The following OSBPL8 variants were observed in gnomAD, a reference collection of about 807,000 sequenced individuals.
OSBPL8 encodes oxysterol-binding protein-related protein 8.
Under a neutral mutation model 125.5 loss-of-function variants are expected in OSBPL8, and 59 were observed. The observed-to-expected ratio is 0.47, with a 90% CI of 0.38 to 0.58. The LOEUF is 0.58. Ranked by LOEUF, OSBPL8 falls within the 20% of genes least tolerant of loss-of-function variation. The pLI is 0.00. For missense variants in OSBPL8, 758 were observed against 1,047.8 expected, an observed-to-expected ratio of 0.72 and a Z score of 3.82; for synonymous variants, 330 against 338.9, an observed-to-expected ratio of 0.97 and a Z score of 0.29.
chr12:76,361,273 C>T (rs1185213230), intron 21 of OSBPL8, among the ~76,000 whole-genome samples: 1 of 152,194 alleles, frequency 6.6e-6, no homozygotes, highest in Non-Finnish European at 1.5e-5. Flanking sequence ...CAAAATGCCA[C>T]CAGCCTCTTT....
At chr12:76,421,646 A>C (rs145083658) in intron 4 of OSBPL8, among the ~76,000 whole-genome samples, 1 of 152,214 alleles carries the variant, frequency 6.6e-6, no homozygotes, top group African/African-American at 2.4e-5. Flanking sequence ...TATAAATACA[A>C]GTATCAGTTT....
At chr12:76,525,342 T>C (rs1237584387) in intron 1 of OSBPL8, among the ~76,000 whole-genome samples, 1 of 152,210 alleles carries the variant, frequency 6.6e-6, no homozygotes, top group Non-Finnish European at 1.5e-5. Flanking sequence ...GAAGGTCTTT[T>C]TAAAAAAGTG....
intron 14 of OSBPL8, among the ~76,000 whole-genome samples, chr12:76,384,792 A>T (rs1953233439): frequency 6.6e-6 from 1 of 152,192 alleles, no homozygotes; most frequent in Non-Finnish European, 1.5e-5. Flanking sequence ...CTGGACGTGA[A>T]TCTTCCAGCC....
At chr12:76,553,034 T>C (rs549739858) in intron 1 of OSBPL8, among the ~76,000 whole-genome samples, 2 of 152,296 alleles carry the variant, frequency 1.3e-5, no homozygotes, top group South Asian at 4.1e-4. Flanking sequence ...TAAGCAAAGC[T>C]AGTCTCCAGA....
At chr12:76,532,304 T>C (rs1452410175) in intron 1 of OSBPL8, among the ~76,000 whole-genome samples, 1 of 152,130 alleles carries the variant, frequency 6.6e-6, no homozygotes, top group Admixed American at 6.5e-5. Context: ...AAAAAATCAC[T>C]ATAAATTATC....
Position 76,352,596 on chromosome 12 carries a change from A to T in OSBPL8, c.*3293T>A, listed in dbSNP as rs1951862000. 6.6e-6 allele frequency: 1 copy of T among 152,502 alleles called. No individual in the cohort carries two copies. Among genetic ancestry groups the T allele is most frequent in the Non-Finnish European group, 1.5e-5 (1 of 67,944 alleles). 9.4% of individuals were successfully genotyped at this position (152,502 alleles called of 1,614,324 possible). ...TTTCCCCACTGGTTCAAATTGGAAA[A>T]TTTGATATAAATCTAATATTTTATT... On this transcript the variant is annotated 3_prime_UTR_variant, in exon 24 of 24. Transcript: ENST00000261183.
chr12:76,530,057 TTTCTTTTCTTTTTAGACACAGGG>T (rs913621952), intron 1 of OSBPL8, among the ~76,000 whole-genome samples: 1 of 152,036 alleles, frequency 6.6e-6, no homozygotes, highest in Non-Finnish European at 1.5e-5. Context: ...CCACATTTTT[TTTCTTTTCTTTTTAGACACAGGG>T]TCTCATTCTG....
intron 4 of OSBPL8, among the ~76,000 whole-genome samples, chr12:76,448,176 T>C (rs1872942955): frequency 6.6e-6 from 1 of 152,186 alleles, no homozygotes; most frequent in Non-Finnish European, 1.5e-5. Context: ...ATTCACGCTG[T>C]ACCCTAAATA....
intron 4 of OSBPL8, among the ~76,000 whole-genome samples, chr12:76,414,021 T>C (rs1446742380): frequency 6.6e-6 from 1 of 152,180 alleles, no homozygotes; most frequent in African/African-American, 2.4e-5. Context: ...ATAAAAATAT[T>C]TTCCAATAAT....
At chr12:76,547,228 G>A (rs1164705078) in intron 1 of OSBPL8, among the ~76,000 whole-genome samples, 4 of 152,116 alleles carry the variant, frequency 2.6e-5, no homozygotes, top group African/African-American at 9.7e-5. Context: ...AATTAAACAA[G>A]ATTTGCATTC....
intron 1 of OSBPL8, among the ~76,000 whole-genome samples, chr12:76,529,094 A>C (rs1210353111): frequency 6.9e-6 from 1 of 143,996 alleles, no homozygotes; most frequent in Admixed American, 6.8e-5. Flanking sequence ...ACAAAGCTAA[A>C]ATATCATTAT....
intron 2 of OSBPL8, among the ~76,000 whole-genome samples, chr12:76,478,633 G>GA (rs993501584): frequency 1.5e-3 from 209 of 139,330 alleles, no homozygotes; most frequent in South Asian, 2.7e-3. Context: ...AATAAGGTAA[G>GA]AAAAAAAAAA....
At chr12:76,356,129 T>G in intron 23 of OSBPL8, 108 bp from the exon 24 acceptor site, 2 of 797,402 alleles carry the variant, frequency 2.5e-6, no homozygotes, top group Non-Finnish European at 3.6e-6. Context: ...TTAATAATTT[T>G]TAGTTGCTGG....
Position 76,457,202 on chromosome 12 carries a change from G to A in OSBPL8, c.79+2657C>T, listed in dbSNP as rs112508238. Among the ~76,000 whole-genome samples, 901 of 152,318 alleles carry A rather than the reference G, an allele frequency of 5.9e-3. 4 individuals are homozygous for A. The highest frequency in any genetic ancestry group is 0.019 in the African/African-American group (803 of 41,568). The stretch of plus-strand genomic sequence containing the variant: ...AACACCTGAGCTCATAGTAATAACA[G>A]GAAGTGGTTAGAAAATTATTACAGT... On this transcript the variant is annotated intron_variant, in intron 3 of 23. Transcript: ENST00000261183.
chr12:76,488,643 A>C (rs918338678), intron 1 of OSBPL8, among the ~76,000 whole-genome samples: 4 of 152,172 alleles, frequency 2.6e-5, no homozygotes, highest in African/African-American at 9.7e-5. Flanking sequence ...GGCACCACAA[A>C]CTGCAGCCAT....
chr12:76,464,640 T>C (rs1875174125), intron 2 of OSBPL8, among the ~76,000 whole-genome samples: 1 of 152,202 alleles, frequency 6.6e-6, no homozygotes, highest in Admixed American at 6.5e-5. Flanking sequence ...CTTCTCAGTC[T>C]CAAATAAACC....
At chr12:76,486,878 G>A (rs889541260) in intron 2 of OSBPL8, among the ~76,000 whole-genome samples, 1 of 152,002 alleles carries the variant, frequency 6.6e-6, no homozygotes, top group African/African-American at 2.4e-5. Context: ...AAGACAAAGA[G>A]GTTTTGGGAG....
chr12:76,371,466 C>A lies in OSBPL8; in HGVS notation c.2036G>T (p.Gly679Val). ...TACTTACTTCTCTGATTCAAAATCTCCCTGTTCTTCAAATTTTACAGTGTG... is the reference window on the plus strand; with the variant it reads ...TACTTACTTCTCTGATTCAAAATCTACCTGTTCTTCAAATTTTACAGTGTG... Reference protein sequence around the residue: ...IRHTVKFEEQGDFESEKLWQR... With the variant: ...IRHTVKFEEQVDFESEKLWQR... Residue 679 changes from glycine to valine, a missense_variant, in exon 19 of 24, where the codon GGA becomes GTA. Gly to Val is a moderately radical substitution (Grantham distance 109). This residue lies in a region of OSBPL8 where 572 missense variants were observed against 762.0 expected (regional missense o/e 0.75). Coordinates refer to ENST00000261183, the MANE Select transcript of OSBPL8 (RefSeq NM_020841.5). 3.1e-6 allele frequency: 5 copies of A among 1,605,622 alleles called. No individual in the cohort carries two copies. The highest frequency in any genetic ancestry group is 2.2e-5 in the East Asian group (1 of 44,632).
At chr12:76,521,712 A>G (rs1267671017) in intron 1 of OSBPL8, among the ~76,000 whole-genome samples, 3 of 152,260 alleles carry the variant, frequency 2.0e-5, no homozygotes, top group African/African-American at 7.2e-5. Flanking sequence ...CAAATACTCT[A>G]TGATTCCACT....
Sources: gnomAD v4.1 joint callset for allele counts (sites outside exome capture counted in the v4.1 genomes callset) on GRCh38, gnomAD v4.1.1 for gene constraint, gnomAD v4.1.1 regional missense constraint, MANE v1.5 for transcripts, NCBI Gene and HGNC (gene_info 2026-07-23, HGNC 2026-07-21) for gene names.